The following MYO3B variants were observed in gnomAD, a reference collection of about 807,000 sequenced individuals.
MYO3B encodes the protein myosin IIIB, also known as myosin-IIIb.
MYO3B carries 156 observed loss-of-function variants against 174.6 expected under a neutral mutation model. The observed-to-expected ratio is 0.89, with a 90% CI of 0.78 to 1.02. The LOEUF is 1.02. MYO3B is among the 50% of genes least tolerant of loss of function. The pLI is 0.00. For synonymous variants in MYO3B, 563 were observed against 569.1 expected, an observed-to-expected ratio of 0.99 and a Z score of 0.15; for missense variants, 1,632 against 1,639.4, an observed-to-expected ratio of 1.00 and a Z score of 0.08.
intron 28 of MYO3B, among the ~76,000 whole-genome samples, chr2:170,514,227 C>A (rs536837570): frequency 6.6e-6 from 1 of 152,320 alleles, no homozygotes; most frequent in South Asian, 2.1e-4. Flanking sequence ...CCGCTCGTGA[C>A]CTTGAGGTCA....
rs1258782025 is a variant in MYO3B at position 170,401,807 on chromosome 2, T to C, written c.2129+116T>C. 9 of 1,008,828 alleles carry C rather than the reference T, an allele frequency of 8.9e-6. No homozygotes were observed. The East Asian group carries it at 1.0e-4, about 12-fold the overall frequency. The allele number at this position is 1,008,828 out of a possible 1,614,324, so 62.5% of individuals were successfully genotyped here. A position where few individuals can be genotyped will look rare whatever the true frequency, so the allele number is the denominator to read the frequency against. On this transcript the variant is annotated intron_variant, in intron 18 of 34. Coordinates refer to ENST00000408978, the MANE Select transcript of MYO3B (RefSeq NM_138995.5). ...CTGGGATTTTCTTTCTTTTTCTTTTTTTTTTTTTTTGTGGAGTCAGAGTCT... is the reference window on the plus strand; with the variant it reads ...CTGGGATTTTCTTTCTTTTTCTTTTCTTTTTTTTTTGTGGAGTCAGAGTCT...
intron 14 of MYO3B, 25 bp downstream of exon 14, chr2:170,387,333 GT>G (rs757441302): frequency 8.7e-6 from 14 of 1,605,372 alleles, no homozygotes; most frequent in Non-Finnish European, 1.1e-5. Context: ...TTATCACTGT[GT>G]TTTTGCCCTG....
chr2:170,646,308 A>G (rs2105467327), intron 32 of MYO3B, among the ~76,000 whole-genome samples: 1 of 151,496 alleles, frequency 6.6e-6, no homozygotes, highest in African/African-American at 2.4e-5. Context: ...GTCTGTCTTC[A>G]TACAAATTGG....
chr2:170,452,830 T>A (rs932999762), intron 23 of MYO3B, among the ~76,000 whole-genome samples: 26 of 152,086 alleles, frequency 1.7e-4, no homozygotes, highest in Non-Finnish European at 3.7e-4. Flanking sequence ...AAATAATCAA[T>A]AAATGGCAAA....
chr2:170,374,355 A>T (rs1291472359), intron 9 of MYO3B, among the ~76,000 whole-genome samples: 2 of 152,188 alleles, frequency 1.3e-5, no homozygotes, highest in African/African-American at 2.4e-5. Context: ...TACAACAAAG[A>T]TGAAGAGCAG....
intron 8 of MYO3B, among the ~76,000 whole-genome samples, chr2:170,357,251 G>A (rs1453863223): frequency 6.6e-6 from 1 of 150,828 alleles, no homozygotes; most frequent in Admixed American, 6.6e-5. Context: ...AGGTTGCAGT[G>A]AGCCAAGATC....
At chr2:170,413,264 A>G (rs1463853749) in intron 22 of MYO3B, among the ~76,000 whole-genome samples, 1 of 152,176 alleles carries the variant, frequency 6.6e-6, no homozygotes, top group Non-Finnish European at 1.5e-5. Flanking sequence ...TTTAGTAGAG[A>G]CTAGAGAAAA....
chr2:170,279,638 C>T (rs537504397), intron 7 of MYO3B, among the ~76,000 whole-genome samples: 1 of 152,172 alleles, frequency 6.6e-6, no homozygotes, highest in African/African-American at 2.4e-5. Flanking sequence ...TCAAGTAGGC[C>T]TCAGTGTCTG....
chr2:170,530,116 C>G (rs961708681), intron 30 of MYO3B, among the ~76,000 whole-genome samples: 7 of 152,202 alleles, frequency 4.6e-5, no homozygotes, highest in Non-Finnish European at 7.3e-5. Flanking sequence ...ATCTTAGTAA[C>G]TTCTCAGACT....
chr2:170,321,437 A>G (rs1196255895), intron 7 of MYO3B, among the ~76,000 whole-genome samples: 1 of 152,178 alleles, frequency 6.6e-6, no homozygotes, highest in East Asian at 1.9e-4. Context: ...GAGAAAGTTT[A>G]AATATACAAA....
At chr2:170,447,234 G>A (rs978617716) in intron 23 of MYO3B, among the ~76,000 whole-genome samples, 1 of 152,160 alleles carries the variant, frequency 6.6e-6, no homozygotes, top group African/African-American at 2.4e-5. Context: ...CCAACACATG[G>A]AGCAGCACTG....
chr2:170,376,979 G>A (rs755193338), intron 9 of MYO3B, among the ~76,000 whole-genome samples: 7 of 152,206 alleles, frequency 4.6e-5, no homozygotes, highest in African/African-American at 9.6e-5. Flanking sequence ...AAGGAAGAGC[G>A]TATCCTGTCT....
intron 7 of MYO3B, among the ~76,000 whole-genome samples, chr2:170,289,730 C>T (rs1048177262): frequency 4.0e-5 from 6 of 151,532 alleles, no homozygotes; most frequent in Non-Finnish European, 8.9e-5. Flanking sequence ...TTATTTCTTT[C>T]CTTTTACTAA....
intron 32 of MYO3B, among the ~76,000 whole-genome samples, chr2:170,607,968 A>AG (rs1694914877): frequency 6.6e-6 from 1 of 152,228 alleles, no homozygotes; most frequent in East Asian, 1.9e-4. Context: ...TAATATAATT[A>AG]GGGGTCACTG....
In MYO3B at chr2:170,651,533, A is replaced by G. The variant is rs889021136; in HGVS notation, c.3734-95A>G. On this transcript the variant is annotated intron_variant, in intron 32 of 34. Coordinates refer to ENST00000408978, the MANE Select transcript of MYO3B (RefSeq NM_138995.5). ...TAATATGCCCATTAAAATAGGACAC[A>G]GTTTCTACTAAGTGCATTTATGTGA... 6 of 913,834 alleles carry G rather than the reference A, an allele frequency of 6.6e-6. No individual in the cohort carries two copies. In the African/African-American group the frequency reaches 8.2e-5, roughly 12 times the overall value. The allele number at this position is 913,834 out of a possible 1,614,324, so 56.6% of individuals were successfully genotyped here.
At chr2:170,186,553 C>T (rs764162477) in intron 1 of MYO3B, among the ~76,000 whole-genome samples, 15 of 152,120 alleles carry the variant, frequency 9.9e-5, no homozygotes, top group Non-Finnish European at 2.2e-4. Flanking sequence ...TTTACTTCTA[C>T]ATTCATCAGG....
intron 9 of MYO3B, among the ~76,000 whole-genome samples, chr2:170,378,034 A>G (rs2094306975): frequency 6.6e-6 from 1 of 152,158 alleles, no homozygotes; most frequent in African/African-American, 2.4e-5. Context: ...AAGGAAATTA[A>G]GATCTATAGT....
chr2:170,630,141 T>C (rs1559177763), intron 32 of MYO3B, among the ~76,000 whole-genome samples: 1 of 152,242 alleles, frequency 6.6e-6, no homozygotes, highest in East Asian at 1.9e-4. Context: ...TCGGGGGATT[T>C]CCCTTTCCTA....
intron 27 of MYO3B, among the ~76,000 whole-genome samples, 163 bp downstream of exon 27, chr2:170,499,971 T>C (rs1428177237): frequency 7.1e-6 from 1 of 140,004 alleles, no homozygotes; most frequent in African/African-American, 2.6e-5. Flanking sequence ...TCCTTCCTTC[T>C]TTCCTTCCTT....
Sources: allele counts gnomAD v4.1 joint callset (sites outside exome capture counted in the v4.1 genomes callset), GRCh38; gene constraint gnomAD v4.1.1; transcripts MANE v1.5; gene names NCBI Gene and HGNC (gene_info 2026-07-23, HGNC 2026-07-21).